NEGR1: variants seen among roughly 807,000 people sequenced by gnomAD.
NEGR1 encodes the protein IgLON family member 4.
In NEGR1, 10 loss-of-function variants were observed where a neutral mutation model predicts 40.9. The observed-to-expected ratio is 0.24, with a 90% CI of 0.15 to 0.42. The LOEUF (loss-of-function observed/expected upper bound fraction) is 0.42. Ranked by LOEUF, NEGR1 falls within the 10% of genes least tolerant of loss-of-function variation. The probability of loss-of-function intolerance (pLI) is 1.00; values close to 1 mark genes in which losing one functional copy is unlikely to be tolerated. For synonymous variants in NEGR1, 185 were observed against 166.8 expected (o/e 1.11, Z -0.84); for missense variants, 352 against 438.9 (o/e 0.80, Z 1.77).
intron 6 of NEGR1, among the ~76,000 whole-genome samples, chr1:71,583,497 AGCAGAGTCAAGCCT>A (rs1570064587): frequency 6.6e-6 from 1 of 152,206 alleles, no homozygotes; most frequent in East Asian, 1.9e-4. Flanking sequence ...ATCCTTTTCC[AGCAGAGTCAAGCCT>A]GCAGAGTTGA....
At chr1:71,737,281 T>A (rs1557633308) in intron 3 of NEGR1, among the ~76,000 whole-genome samples, 3 of 152,254 alleles carry the variant, frequency 2.0e-5, no homozygotes, top group Non-Finnish European at 1.5e-5. Context: ...AATTACAAAT[T>A]CTGGTCTTGA....
At chr1:71,701,887 GAACAAA>G (rs902243262) in intron 3 of NEGR1, among the ~76,000 whole-genome samples, 2 of 151,950 alleles carry the variant, frequency 1.3e-5, no homozygotes, top group African/African-American at 4.8e-5. Context: ...TCATTTTGAA[GAACAAA>G]AATTTCATGA....
intron 1 of NEGR1, among the ~76,000 whole-genome samples, chr1:72,045,507 A>G (rs1286232850): frequency 6.6e-6 from 1 of 151,680 alleles, no homozygotes; most frequent in Non-Finnish European, 1.5e-5. Context: ...CTGATAGTGA[A>G]TGGGTCTCAT....
chr1:71,803,409 C>A (rs888678796), intron 2 of NEGR1, among the ~76,000 whole-genome samples: 1 of 152,114 alleles, frequency 6.6e-6, no homozygotes, highest in Non-Finnish European at 1.5e-5. Flanking sequence ...GTAGCTCAAG[C>A]AGAATAATAT....
At chr1:71,428,888 C>A (rs1222618478) in intron 6 of NEGR1, among the ~76,000 whole-genome samples, 2 of 151,844 alleles carry the variant, frequency 1.3e-5, no homozygotes, top group African/African-American at 4.8e-5. Flanking sequence ...TGAATAAGAT[C>A]CACGATTAAA....
intron 1 of NEGR1, among the ~76,000 whole-genome samples, chr1:71,957,324 A>G (rs1408215561): frequency 6.6e-6 from 1 of 152,136 alleles, no homozygotes; most frequent in Non-Finnish European, 1.5e-5. Flanking sequence ...GTGTTATCAG[A>G]TATTTGCTTC....
chr1:71,698,098 T>C lies in NEGR1; in HGVS notation c.577A>G (p.Ile193Val), dbSNP rs773691059. Residue 193 changes from isoleucine (I) to valine (V), a missense_variant, in exon 4 of 7, where the codon ATT becomes GTT. Around this residue, in one of 5 missense-constraint regions of NEGR1, gnomAD observed 184 missense variants for 208.7 expected, o/e 0.88. Coordinates refer to ENST00000357731, the MANE Select transcript of NEGR1 (RefSeq NM_173808.3). ...ENGQYLDIYGITRDQAGEYEC... is the reference protein window; with the variant it reads ...ENGQYLDIYGVTRDQAGEYEC... ...TATTCCCCAGCCTGGTCCCTTGTAA[T>C]TCCATAAATGTCCAAATATTGTCCA... The C allele has an allele frequency of 6.8e-6, 11 of 1,611,054 alleles. No homozygotes were observed. Among genetic ancestry groups the C allele is most frequent in the Non-Finnish European group, 9.3e-6 (11 of 1,177,990 alleles).
chr1:71,413,249 A>T (rs1467896969), intron 6 of NEGR1, among the ~76,000 whole-genome samples: 2 of 152,196 alleles, frequency 1.3e-5, no homozygotes, highest in Non-Finnish European at 2.9e-5. Flanking sequence ...CTCAAGGATG[A>T]TCTAAACACT....
chr1:72,193,793 T>C (rs543032849), intron 1 of NEGR1, among the ~76,000 whole-genome samples: 23 of 151,820 alleles, frequency 1.5e-4, no homozygotes, highest in Admixed American at 8.6e-4. Flanking sequence ...GTGTTCATTT[T>C]TAATCATATT....
At chr1:71,836,655 T>TA (rs977486060) in intron 2 of NEGR1, among the ~76,000 whole-genome samples, 3 of 151,492 alleles carry the variant, frequency 2.0e-5, no homozygotes, top group South Asian at 4.2e-4. Context: ...ATAATTCCTA[T>TA]AAAAAAAACT....
intron 2 of NEGR1, among the ~76,000 whole-genome samples, chr1:71,908,922 A>T (rs1022138035): frequency 6.6e-6 from 1 of 152,152 alleles, no homozygotes; most frequent in African/African-American, 2.4e-5. Context: ...AAATGAGCTG[A>T]CTTATTTTCC....
intron 4 of NEGR1, among the ~76,000 whole-genome samples, chr1:71,672,486 G>A (rs767565593): frequency 6.6e-6 from 1 of 152,128 alleles, no homozygotes; most frequent in Non-Finnish European, 1.5e-5. Context: ...TCCTGGCAGA[G>A]TGATATATTA....
intron 6 of NEGR1, among the ~76,000 whole-genome samples, chr1:71,521,725 G>A (rs773308407): frequency 3.3e-5 from 5 of 151,836 alleles, no homozygotes; most frequent in Admixed American, 1.3e-4. Flanking sequence ...CTTGTTCAAG[G>A]GATTAGTACA....
At chr1:71,995,804 C>T (rs773863841) in intron 1 of NEGR1, among the ~76,000 whole-genome samples, 12 of 152,274 alleles carry the variant, frequency 7.9e-5, no homozygotes, top group Non-Finnish European at 1.2e-4. Context: ...TCACCAATTA[C>T]AACACAAACA....
chr1:71,951,970 A>AATGTTGTC (rs1427846733), intron 1 of NEGR1, among the ~76,000 whole-genome samples: 1 of 151,874 alleles, frequency 6.6e-6, no homozygotes, highest in African/African-American at 2.4e-5. Context: ...TAAGTTAATA[A>AATGTTGTC]ATGTTGTCTG....
chr1:71,499,185 G>C (rs1030760430), intron 6 of NEGR1, among the ~76,000 whole-genome samples: 2 of 151,910 alleles, frequency 1.3e-5, no homozygotes, highest in African/African-American at 4.8e-5. Flanking sequence ...TAAAAATCAG[G>C]CCTCTTGTTG....
At chr1:71,597,462 CTCTCTCTCTCTGTG>C (rs1462047176) in intron 5 of NEGR1, among the ~76,000 whole-genome samples, 1 of 30,144 alleles carries the variant, frequency 3.3e-5, no homozygotes, top group African/African-American at 6.7e-5. Flanking sequence ...CTCTCTCTCT[CTCTCTCTCTCTGTG>C]TGTGTGTGTG....
At chr1:71,657,525 T>C (rs1651917521) in intron 4 of NEGR1, among the ~76,000 whole-genome samples, 1 of 152,128 alleles carries the variant, frequency 6.6e-6, no homozygotes, top group African/African-American at 2.4e-5. Context: ...ATTAGAAATA[T>C]CCAACATGAA....
intron 4 of NEGR1, among the ~76,000 whole-genome samples, chr1:71,615,288 G>A (rs1035192038): frequency 2.0e-5 from 3 of 150,160 alleles, no homozygotes; most frequent in Non-Finnish European, 4.4e-5. Flanking sequence ...TCACATTAAT[G>A]AAAAAAAAAA....
Sources: gnomAD v4.1 joint callset for allele counts (sites outside exome capture counted in the v4.1 genomes callset) on GRCh38, gnomAD v4.1.1 for gene constraint, gnomAD v4.1.1 regional missense constraint, MANE v1.5 for transcripts, NCBI Gene and HGNC (gene_info 2026-07-23, HGNC 2026-07-21) for gene names.